The following GNS variants were observed in gnomAD, a reference collection of about 807,000 sequenced individuals.
GNS encodes N-acetylglucosamine-6-sulfatase.
A neutral mutation model predicts 69.7 loss-of-function variants in GNS; 40 were observed. The observed-to-expected ratio is 0.57, with a 90% CI of 0.45 to 0.75. The LOEUF (loss-of-function observed/expected upper bound fraction) is 0.75, where lower values mean the gene tolerates loss of function less well. Ranked by LOEUF, GNS falls within the 30% of genes least tolerant of loss-of-function variation. GNS has a pLI of 0.00. For missense variants in GNS, 565 were observed against 685.5 expected (o/e 0.82, Z 1.96); for synonymous variants, 243 against 251.6 (o/e 0.97, Z 0.32).
intron 11 of GNS, among the ~76,000 whole-genome samples, chr12:64,722,484 CT>C (rs976730574): frequency 6.6e-6 from 1 of 152,186 alleles, no homozygotes; most frequent in African/African-American, 2.4e-5. Flanking sequence ...TGTTATTGCA[CT>C]TTTGGTTGGT....
chr12:64,738,318 C>CT (rs1869616139), intron 8 of GNS, among the ~76,000 whole-genome samples: 1 of 152,154 alleles, frequency 6.6e-6, no homozygotes, highest in Non-Finnish European at 1.5e-5. Context: ...TGGTCTGCAT[C>CT]TTGATACATA....
Position 64,759,369 on chromosome 12 carries a change from A to G in GNS, c.-93T>C, listed in dbSNP as rs1870400663. The G allele has an allele frequency of 1.2e-6, 1 of 868,206 alleles. No individual in the cohort carries two copies. Among genetic ancestry groups the G allele is most frequent in the Non-Finnish European group, 1.7e-6 (1 of 582,230 alleles). 53.8% of individuals were successfully genotyped at this position (868,206 alleles called of 1,614,324 possible). ...GAGAGGCCGACCAGCCGAAGGAATA[A>G]AAAGCCGTGCCTTGAAGGCCGGTGG... On this transcript the variant is annotated 5_prime_UTR_variant, in exon 1 of 14. Transcript: ENST00000258145.
chr12:64,758,393 G>A (rs1287935700), intron 1 of GNS, among the ~76,000 whole-genome samples: 1 of 132,604 alleles, frequency 7.5e-6, no homozygotes, highest in East Asian at 2.5e-4. Context: ...CGCGATCTCG[G>A]CTCACTGCAA....
At chr12:64,722,796 G>T in intron 11 of GNS, 1 of 555,008 alleles carries the variant, frequency 1.8e-6, no homozygotes, top group Non-Finnish European at 3.3e-6. Context: ...TACATAAATT[G>T]GAAGATTAAC....
At chr12:64,722,908 A>G in intron 11 of GNS, 98 bp downstream of exon 11, 1 of 782,292 alleles carries the variant, frequency 1.3e-6, no homozygotes, top group Admixed American at 1.8e-5. Flanking sequence ...AAGGAACAGG[A>G]CTCAGATGAA....
At chr12:64,722,694 C>A in intron 11 of GNS, 1 of 360,648 alleles carries the variant, frequency 2.8e-6, no homozygotes, top group Non-Finnish European at 5.4e-6. Context: ...GTAACATTAT[C>A]CCTAATTAAA....
chr12:64,721,815 G>A (rs997903405), intron 11 of GNS, 110 bp from the exon 12 acceptor site: 4 of 740,650 alleles, frequency 5.4e-6, no homozygotes, highest in Non-Finnish European at 9.9e-6. Flanking sequence ...CAATTTGACA[G>A]CAATTAGAAA....
At chr12:64,750,104 T>C (rs921084830) in intron 2 of GNS, among the ~76,000 whole-genome samples, 3 of 152,086 alleles carry the variant, frequency 2.0e-5, no homozygotes, top group Admixed American at 6.6e-5. Flanking sequence ...TGGAGTGCAG[T>C]GGCACAGTCT....
At chr12:64,740,776 C>G in intron 6 of GNS, 88 bp from the exon 7 acceptor site, 1 of 743,684 alleles carries the variant, frequency 1.3e-6, no homozygotes, top group Admixed American at 1.9e-5. Flanking sequence ...TAAATAGAAC[C>G]GTTTCACTCA....
At chr12:64,738,522 A>G (rs2136245059) in intron 8 of GNS, among the ~76,000 whole-genome samples, 1 of 152,286 alleles carries the variant, frequency 6.6e-6, no homozygotes, top group South Asian at 2.1e-4. Context: ...AGTGTTTAAA[A>G]ATATTCACAG....
chr12:64,754,383 T>C (rs984216557), intron 1 of GNS, among the ~76,000 whole-genome samples: 4 of 152,144 alleles, frequency 2.6e-5, no homozygotes, highest in Non-Finnish European at 4.4e-5. Context: ...CGGAGAGCCA[T>C]GCGATGAGGA....
intron 1 of GNS, among the ~76,000 whole-genome samples, chr12:64,756,407 G>C (rs1245020682): frequency 1.3e-5 from 2 of 152,178 alleles, no homozygotes; most frequent in African/African-American, 2.4e-5. Flanking sequence ...GTCACCTGCA[G>C]ACTCTCTGAC....
intron 2 of GNS, among the ~76,000 whole-genome samples, chr12:64,750,715 C>A (rs542732285): frequency 5.5e-4 from 83 of 151,720 alleles, no homozygotes; most frequent in Non-Finnish European, 9.7e-4. Context: ...CCAGCCTGAG[C>A]AACAGAGTGA....
intron 13 of GNS, among the ~76,000 whole-genome samples, chr12:64,719,244 T>A (rs954161672): frequency 1.3e-5 from 2 of 152,182 alleles, no homozygotes; most frequent in Admixed American, 6.5e-5. Flanking sequence ...GGCTAAAAAA[T>A]TAAGTGATAA....
At chr12:64,745,315 G>C (rs1869866682) in intron 4 of GNS, among the ~76,000 whole-genome samples, 1 of 146,160 alleles carries the variant, frequency 6.8e-6, no homozygotes, top group Non-Finnish European at 1.5e-5. Flanking sequence ...AAATTCCTGG[G>C]CTCAAGTGAT....
At chr12:64,739,600 C>A (rs1360668193) in intron 7 of GNS, 101 bp from the exon 8 acceptor site, 10 of 661,648 alleles carry the variant, frequency 1.5e-5, no homozygotes, top group Non-Finnish European at 2.4e-5. Context: ...AACAAAGACA[C>A]CCCCGTTTAA....
intron 13 of GNS, among the ~76,000 whole-genome samples, chr12:64,719,626 T>C (rs1209896393): frequency 1.3e-5 from 2 of 152,032 alleles, no homozygotes; most frequent in African/African-American, 4.8e-5. Flanking sequence ...GTAGTAGGGG[T>C]TTCTGAGAAA....
chr12:64,745,204 CTTTTTTTTTTTTTTTTTTTTTTTTTTT>C (rs141453545), intron 4 of GNS, among the ~76,000 whole-genome samples: 1 of 42,352 alleles, frequency 2.4e-5, no homozygotes, highest in East Asian at 9.1e-4. Flanking sequence ...AGTCAATAGA[CTTTTTTTTTTTTTTTTTTTTTTTTTTT>C]TTTAAAGAGA....
chr12:64,729,494 C>A (rs1022826051), intron 9 of GNS, among the ~76,000 whole-genome samples: 1 of 152,162 alleles, frequency 6.6e-6, no homozygotes, highest in African/African-American at 2.4e-5. Context: ...GAATGCTTCC[C>A]ATCAGTGAGA....
Sources: allele counts gnomAD v4.1 joint callset (sites outside exome capture counted in the v4.1 genomes callset), GRCh38; gene constraint gnomAD v4.1.1; transcripts MANE v1.5; gene names NCBI Gene and HGNC (gene_info 2026-07-23, HGNC 2026-07-21).